The following DGKI variants were observed in gnomAD, a reference collection of about 807,000 sequenced individuals.
The protein encoded by DGKI is diacylglycerol kinase iota.
A neutral mutation model predicts 147.5 loss-of-function variants in DGKI; 55 were observed. That is an observed-to-expected ratio of 0.37 (90% confidence interval 0.30 to 0.47). The LOEUF (loss-of-function observed/expected upper bound fraction) is 0.47, where lower values mean the gene tolerates loss of function less well. Ranked by LOEUF, DGKI falls within the 20% of genes least tolerant of loss-of-function variation. The pLI, the probability that DGKI is intolerant of heterozygous loss-of-function variation, is 1.00. For synonymous variants in DGKI, 469 were observed against 477.1 expected (o/e 0.98, Z 0.22); for missense variants, 1,007 against 1,323.8 (o/e 0.76, Z 3.71).
At chr7:137,465,853 C>G (rs1413349010) in intron 26 of DGKI, 55 bp downstream of exon 26, 1 of 1,570,960 alleles carries the variant, frequency 6.4e-7, no homozygotes, top group Non-Finnish European at 8.6e-7. Flanking sequence ...AAAGGCGAAC[C>G]AGACATGGAT....
rs115044596 is a variant in DGKI, at chr7:137,795,297, A to T, written c.401+51165T>A. The stretch of plus-strand genomic sequence containing the variant: ...GCTTTAGAAAGATGGTAGCTGTGAA[A>T]ACCAGTGGCCTAGTAGCTATTGGAG... On this transcript the variant is annotated intron_variant, in intron 1 of 32. Coordinates refer to ENST00000614521, the MANE Select transcript of DGKI (RefSeq NM_001321708.2). Among the ~76,000 whole-genome samples, 1,118 of 152,312 alleles carry T rather than the reference A, an allele frequency of 7.3e-3. 11 individuals are homozygous for T. Among genetic ancestry groups the T allele is most frequent in the African/African-American group, 0.026 (1,076 of 41,556 alleles).
At chr7:137,429,247 C>A (rs10257232) in intron 28 of DGKI, among the ~76,000 whole-genome samples, 77,696 of 149,194 alleles carry the variant, frequency 0.52, 21,397 homozygotes, top group Non-Finnish European at 0.63. Flanking sequence ...GAAATAACAC[C>A]ACATATCTAC....
chr7:137,803,345 C>T (rs1025439345), intron 1 of DGKI, among the ~76,000 whole-genome samples: 2 of 152,052 alleles, frequency 1.3e-5, no homozygotes, highest in Non-Finnish European at 2.9e-5. Context: ...AGGTCAGTAA[C>T]AAAGAGCCAA....
intron 1 of DGKI, among the ~76,000 whole-genome samples, chr7:137,707,395 C>T (rs1180622708): frequency 6.6e-6 from 1 of 152,192 alleles, no homozygotes; most frequent in African/African-American, 2.4e-5. Flanking sequence ...TCCATTGACC[C>T]ACACAGCTCT....
chr7:137,823,703 C>T (rs1000619171), intron 1 of DGKI, among the ~76,000 whole-genome samples: 2 of 152,218 alleles, frequency 1.3e-5, no homozygotes, highest in East Asian at 1.9e-4. Context: ...TGGAGAAGAA[C>T]GGAAGCTATG....
At chr7:137,587,286 G>A in intron 12 of DGKI, 76 bp from the exon 13 acceptor site, 2 of 1,130,512 alleles carry the variant, frequency 1.8e-6, no homozygotes, top group South Asian at 1.8e-5. Flanking sequence ...GAGAAACAGA[G>A]GCTTCCAAGA....
At chr7:137,643,277 C>T (rs150788038) in intron 6 of DGKI, among the ~76,000 whole-genome samples, 3,335 of 109,786 alleles carry the variant, frequency 0.03, 159 homozygotes, top group African/African-American at 0.11. Context: ...GGAGACACAG[C>T]GAGACTCCGT....
At chr7:137,791,430 A>G (rs1434001806) in intron 1 of DGKI, among the ~76,000 whole-genome samples, 3 of 152,198 alleles carry the variant, frequency 2.0e-5, no homozygotes, top group Admixed American at 2.0e-4. Context: ...TTGGTATTAA[A>G]CACTAAAGAA....
At chr7:137,428,067 C>G (rs1274898793) in intron 28 of DGKI, among the ~76,000 whole-genome samples, 2 of 148,334 alleles carry the variant, frequency 1.3e-5, no homozygotes, top group Non-Finnish European at 3.0e-5. Context: ...CAGCATCATC[C>G]TGATACCAAA....
chr7:137,727,360 G>T (rs1388433068), intron 1 of DGKI, among the ~76,000 whole-genome samples: 1 of 152,040 alleles, frequency 6.6e-6, no homozygotes, highest in Non-Finnish European at 1.5e-5. Context: ...TCATCAAAAA[G>T]AAAAAGATTT....
chr7:137,690,083 G>T, intron 1 of DGKI, 81 bp from the exon 2 acceptor site: 1 of 1,041,754 alleles, frequency 9.6e-7, no homozygotes, highest in Middle Eastern at 2.6e-4. Flanking sequence ...ATTTCCCATG[G>T]GGTAGAAACA....
At chr7:137,522,043 C>T (rs2128952695) in intron 20 of DGKI, 77 bp from the exon 21 acceptor site, 1 of 987,512 alleles carries the variant, frequency 1.0e-6, no homozygotes, top group Non-Finnish European at 1.6e-6. Flanking sequence ...GGAATAAGGG[C>T]AATATTGTCT....
At chr7:137,647,038 G>T (rs1410768421) in intron 5 of DGKI, among the ~76,000 whole-genome samples, 1 of 152,166 alleles carries the variant, frequency 6.6e-6, no homozygotes, top group Non-Finnish European at 1.5e-5. Context: ...TCTAATGTTT[G>T]TCTCACTTTT....
At chr7:137,601,852 C>T (rs180731457) in intron 10 of DGKI, among the ~76,000 whole-genome samples, 2 of 152,260 alleles carry the variant, frequency 1.3e-5, no homozygotes, top group East Asian at 1.9e-4. Context: ...ACCAGCCAAA[C>T]CTATAATTTA....
At chr7:137,685,939 A>C (rs917166522) in intron 2 of DGKI, among the ~76,000 whole-genome samples, 4 of 152,040 alleles carry the variant, frequency 2.6e-5, no homozygotes, top group Non-Finnish European at 5.9e-5. Context: ...GTGCCTGTCA[A>C]CTCCCAGCGA....
intron 1 of DGKI, among the ~76,000 whole-genome samples, chr7:137,780,163 G>A (rs1043944787): frequency 2.0e-5 from 3 of 152,162 alleles, no homozygotes; most frequent in African/African-American, 7.2e-5. Flanking sequence ...AAAGTGGCAT[G>A]GTTGACAAGA....
intron 23 of DGKI, among the ~76,000 whole-genome samples, chr7:137,470,181 A>G (rs1814825404): frequency 6.6e-6 from 1 of 152,216 alleles, no homozygotes. Flanking sequence ...GTAGACAAGG[A>G]AGAAAAGTAG....
At chr7:137,831,308 T>C (rs777606715) in intron 1 of DGKI, among the ~76,000 whole-genome samples, 1 of 152,238 alleles carries the variant, frequency 6.6e-6, no homozygotes, top group African/African-American at 2.4e-5. Context: ...ACTGATGATC[T>C]GTATTAGTCC....
chr7:137,521,805 G>A (rs955935788), intron 21 of DGKI, 61 bp downstream of exon 21: 11 of 1,227,822 alleles, frequency 9.0e-6, no homozygotes, highest in African/African-American at 4.5e-5. Context: ...TCAAACCAAG[G>A]AGGATCAAGA....
Sources: gnomAD v4.1 joint callset for allele counts (sites outside exome capture counted in the v4.1 genomes callset) on GRCh38, gnomAD v4.1.1 for gene constraint, MANE v1.5 for transcripts, NCBI Gene and HGNC (gene_info 2026-07-23, HGNC 2026-07-21) for gene names.